FBXL4: variants seen among roughly 807,000 people sequenced by gnomAD.
FBXL4 encodes F-box and leucine rich repeat protein 4.
Under a neutral mutation model 58.9 loss-of-function variants are expected in FBXL4, and 40 were observed. The ratio of observed to expected loss-of-function variants is 0.68; its 90% CI spans 0.53 to 0.88. The LOEUF (loss-of-function observed/expected upper bound fraction) is 0.88. Among genes scored for constraint, FBXL4 ranks in the 40% least tolerant of loss-of-function variants. FBXL4 has a pLI of 0.00. For synonymous variants in FBXL4, 263 were observed against 265.5 expected, an observed-to-expected ratio of 0.99 and a Z score of 0.09; for missense variants, 676 against 734.4, an observed-to-expected ratio of 0.92 and a Z score of 0.92.
At position 98,935,512 on chromosome 6, in the gene FBXL4, G is replaced by A. The variant is rs1161124831; in HGVS notation, c.-308-633C>T. Reference sequence around the variant, plus strand: ...TGGGTAAGAATAAGCCATCTGGGCCGGGCGCGGTGGCTCACGCCTGTAATC... The same window carrying A: ...TGGGTAAGAATAAGCCATCTGGGCCAGGCGCGGTGGCTCACGCCTGTAATC... On this transcript the variant is annotated intron_variant, in intron 1 of 9. Coordinates refer to ENST00000369244, the MANE Select transcript of FBXL4 (RefSeq NM_001278716.2). Among the ~76,000 whole-genome samples the A allele has an allele frequency of 7.2e-5, 11 of 152,144 alleles. No individual in the cohort carries two copies. The East Asian group carries it at 7.7e-4, about 11-fold the overall frequency.
chr6:98,923,744 G>C (rs1440999167), intron 4 of FBXL4, among the ~76,000 whole-genome samples: 1 of 152,200 alleles, frequency 6.6e-6, no homozygotes, highest in East Asian at 1.9e-4. Context: ...AACTGGCAGA[G>C]AGGGTGTTCA....
intron 1 of FBXL4, among the ~76,000 whole-genome samples, chr6:98,944,478 G>A (rs1773545866): frequency 6.6e-6 from 1 of 152,058 alleles, no homozygotes. Context: ...AATAAGCAAA[G>A]AAATGCAATA....
chr6:98,903,532 G>C (rs968354722), intron 6 of FBXL4, among the ~76,000 whole-genome samples: 2 of 152,100 alleles, frequency 1.3e-5, no homozygotes, highest in African/African-American at 4.8e-5. Flanking sequence ...TACCCTGGGT[G>C]AATTGAAAAT....
intron 4 of FBXL4, 77 bp downstream of exon 4, chr6:98,926,400 C>T: frequency 7.1e-7 from 1 of 1,403,894 alleles, no homozygotes. Context: ...AGAATGCTTG[C>T]AATAAAAAAG....
intron 5 of FBXL4, among the ~76,000 whole-genome samples, chr6:98,914,489 C>T (rs541452520): frequency 2.0e-5 from 3 of 152,342 alleles, no homozygotes; most frequent in African/African-American, 4.8e-5. Context: ...TGGGCTTCAC[C>T]TCTGGGATGC....
rs1313479503 is a variant in FBXL4 at position 98,869,977 on chromosome 6, T to C, written c.*4301A>G. 6.6e-6 allele frequency: 1 copy of C among 152,134 alleles called. No individual in the cohort carries two copies. Among genetic ancestry groups the C allele is most frequent in the Non-Finnish European group, 1.5e-5 (1 of 68,014 alleles). 9.4% of individuals were successfully genotyped at this position (152,134 alleles called of 1,614,324 possible). On this transcript the variant is annotated 3_prime_UTR_variant, in exon 10 of 10. Coordinates refer to ENST00000369244, the MANE Select transcript of FBXL4 (RefSeq NM_001278716.2). Reference sequence around the variant, plus strand: ...GGGAAGATAATTTACCTGAGCAAAATGCAAAGATAAATAATTATACAAAAA... The same window carrying C: ...GGGAAGATAATTTACCTGAGCAAAACGCAAAGATAAATAATTATACAAAAA...
chr6:98,894,850 A>G (rs1771358175), intron 7 of FBXL4, among the ~76,000 whole-genome samples: 1 of 152,202 alleles, frequency 6.6e-6, no homozygotes, highest in Admixed American at 6.5e-5. Flanking sequence ...AGAAAGAAAA[A>G]GATCTCATGA....
intron 1 of FBXL4, among the ~76,000 whole-genome samples, chr6:98,947,377 G>C (rs998714198): frequency 2.0e-5 from 3 of 152,206 alleles, no homozygotes; most frequent in Non-Finnish European, 4.4e-5. Context: ...AAAAACCATC[G>C]GATGTCAGAG....
chr6:98,891,474 T>G (rs1771223195), intron 7 of FBXL4, among the ~76,000 whole-genome samples: 1 of 152,208 alleles, frequency 6.6e-6, no homozygotes, highest in Admixed American at 6.5e-5. Context: ...TTTTGAAGCC[T>G]ATTTTTATCA....
chr6:98,925,516 TTA>T (rs1431223455), intron 4 of FBXL4, among the ~76,000 whole-genome samples: 1 of 152,232 alleles, frequency 6.6e-6, no homozygotes, highest in Non-Finnish European at 1.5e-5. Context: ...GCAAAGTGAC[TTA>T]TGATAAGGTC....
intron 1 of FBXL4, among the ~76,000 whole-genome samples, chr6:98,945,252 C>A (rs1049229804): frequency 2.6e-5 from 4 of 151,970 alleles, no homozygotes; most frequent in African/African-American, 4.8e-5. Flanking sequence ...TGGAATAATG[C>A]CAACAGGGGA....
intron 2 of FBXL4, among the ~76,000 whole-genome samples, chr6:98,932,562 G>A (rs1773052310): frequency 6.6e-6 from 1 of 152,180 alleles, no homozygotes. Context: ...AAGTGAGATG[G>A]GGAATCGATG....
At chr6:98,923,700 C>T (rs1772670363) in intron 4 of FBXL4, among the ~76,000 whole-genome samples, 1 of 152,100 alleles carries the variant, frequency 6.6e-6, no homozygotes, top group African/African-American at 2.4e-5. Context: ...AAAGAGCCAT[C>T]TCTGTCTGAC....
intron 5 of FBXL4, 146 bp from the exon 6 acceptor site, chr6:98,905,816 T>C: frequency 1.2e-6 from 1 of 850,952 alleles, no homozygotes; most frequent in South Asian, 1.9e-5. Context: ...AACAGAATTA[T>C]CCAAATAAAA....
At chr6:98,916,280 G>C (rs1353053005) in intron 5 of FBXL4, among the ~76,000 whole-genome samples, 39 of 149,648 alleles carry the variant, frequency 2.6e-4, no homozygotes, top group African/African-American at 8.1e-4. Flanking sequence ...GGATCTACAA[G>C]TAGAAATACC....
At chr6:98,909,313 A>G (rs1377382057) in intron 5 of FBXL4, among the ~76,000 whole-genome samples, 1 of 152,130 alleles carries the variant, frequency 6.6e-6, no homozygotes, top group Admixed American at 6.5e-5. Context: ...AGGGAGTCCC[A>G]ATCACTGTCA....
In FBXL4 at chr6:98,915,369, C is replaced by T. The variant is rs572039106; in HGVS notation, c.858+2005G>A. Among the ~76,000 whole-genome samples, 4 of 152,312 alleles carry T rather than the reference C, an allele frequency of 2.6e-5. No homozygotes were observed. In the East Asian group the frequency reaches 7.7e-4, roughly 29 times the overall value. On this transcript the variant is annotated intron_variant, in intron 5 of 9. Coordinates refer to ENST00000369244, the MANE Select transcript of FBXL4 (RefSeq NM_001278716.2). ...AAGAGCCCACATCACCAAGTCAATC[C>T]TAAGCCAAAAGAACAAAGCTGGAGG...
intron 7 of FBXL4, among the ~76,000 whole-genome samples, chr6:98,881,185 T>C (rs1770840861): frequency 1.3e-5 from 2 of 152,146 alleles, no homozygotes. Flanking sequence ...CACCTGTCAG[T>C]AGCAACATGC....
intron 7 of FBXL4, among the ~76,000 whole-genome samples, chr6:98,895,841 ATATT>A (rs1771390988): frequency 6.6e-6 from 1 of 152,146 alleles, no homozygotes; most frequent in Non-Finnish European, 1.5e-5. Context: ...TAAATATACT[ATATT>A]TATTAATGCA....
Sources: allele counts gnomAD v4.1 joint callset (sites outside exome capture counted in the v4.1 genomes callset), GRCh38; gene constraint gnomAD v4.1.1; transcripts MANE v1.5; gene names NCBI Gene and HGNC (gene_info 2026-07-23, HGNC 2026-07-21).